The following PDE8B variants were observed in gnomAD, a reference collection of about 807,000 sequenced individuals.
PDE8B encodes the protein phosphodiesterase 8B, also known as high affinity cAMP-specific and IBMX-insensitive 3',5'-cyclic phosphodiesterase 8B.
PDE8B carries 26 observed loss-of-function variants against 101.3 expected under a neutral mutation model. The ratio of observed to expected loss-of-function variants is 0.26; its 90% CI spans 0.19 to 0.36. The LOEUF is 0.36. Ranked by LOEUF, PDE8B falls within the 10% of genes least tolerant of loss-of-function variation. PDE8B has a pLI of 1.00. For synonymous variants in PDE8B, 424 were observed against 429.3 expected (o/e 0.99, Z 0.15); for missense variants, 810 against 1,163.1 (o/e 0.70, Z 4.42).
At chr5:77,374,956 G>A (rs1170038718) in intron 10 of PDE8B, among the ~76,000 whole-genome samples, 1 of 151,842 alleles carries the variant, frequency 6.6e-6, no homozygotes, top group African/African-American at 2.4e-5. Context: ...GACAGAACCA[G>A]ATACACACAC....
intron 4 of PDE8B, among the ~76,000 whole-genome samples, chr5:77,330,855 C>T (rs548881254): frequency 6.6e-6 from 1 of 152,198 alleles, no homozygotes; most frequent in Non-Finnish European, 1.5e-5. Context: ...CTATAGCAAA[C>T]CCTCTTGTGA....
chr5:77,149,437 A>G, the PDE8B span, among the ~76,000 whole-genome samples: 1 of 152,180 alleles, frequency 6.6e-6, no homozygotes, highest in African/African-American at 2.4e-5. Flanking sequence ...TGTTGAACCT[A>G]TAGATCTATT....
intron 1 of PDE8B, among the ~76,000 whole-genome samples, chr5:77,261,498 T>C (rs1395879587): frequency 6.6e-6 from 1 of 152,260 alleles, no homozygotes; most frequent in African/African-American, 2.4e-5. Flanking sequence ...AATTATGCCA[T>C]TTTGTTTCTA....
intron 2 of PDE8B, among the ~76,000 whole-genome samples, chr5:77,312,288 G>C (rs1383062161): frequency 6.6e-6 from 1 of 151,956 alleles, no homozygotes; most frequent in Admixed American, 6.6e-5. Context: ...ATTTTTAATA[G>C]TGATGGGGTT....
chr5:77,217,784 G>T (rs1750127593), intron 1 of PDE8B, among the ~76,000 whole-genome samples: 1 of 152,140 alleles, frequency 6.6e-6, no homozygotes, highest in Non-Finnish European at 1.5e-5. Context: ...TTATCCACCT[G>T]CCTTGGCCCC....
In PDE8B at chr5:77,425,547, T is replaced by C. The variant is rs187914130; in HGVS notation, c.2419-220T>C. 4.2e-4 allele frequency among the ~76,000 whole-genome samples: 64 copies of C among 152,144 alleles called. No homozygotes were observed. In the East Asian group the frequency reaches 0.011, roughly 26 times the overall value. ...CAGCTTGGGCAACAGAGTGAGACAC[T>C]GTCTCAAAAACAAAAAAAGAGGCTT... On this transcript the variant is annotated intron_variant, in intron 20 of 21. Transcript: ENST00000264917.
Position 77,210,705 on chromosome 5 carries a change from GA to G in PDE8B, c.-220del. 1.0e-6 allele frequency: 1 copy of G among 980,994 alleles called. No homozygotes were observed. The highest frequency in any genetic ancestry group is 1.8e-5 in the African/African-American group (1 of 56,812). 60.8% of individuals were successfully genotyped at this position (980,994 alleles called of 1,614,324 possible). The stretch of plus-strand genomic sequence containing the variant: ...GTGTATGCGCGCTCCCCCGCTCGGG[GA>G]GGAAGATGGCCCAAAAGGGAAAGTT... On this transcript the variant is annotated 5_prime_UTR_variant, in exon 1 of 22. The change creates a premature stop within an existing upstream ORF in the 5' untranslated region. Coordinates refer to ENST00000264917, the MANE Select transcript of PDE8B (RefSeq NM_003719.5). The surrounding 1 kb of genome is among the most constrained non-coding windows in gnomAD (Gnocchi z 4.9).
chr5:77,184,530 A>G, the PDE8B span, among the ~76,000 whole-genome samples: 3 of 152,142 alleles, frequency 2.0e-5, no homozygotes, highest in African/African-American at 7.2e-5. Flanking sequence ...TTTTTTGCCT[A>G]CAAAAACAAC....
At chr5:77,097,373 G>A in the PDE8B span, among the ~76,000 whole-genome samples, 1 of 151,964 alleles carries the variant, frequency 6.6e-6, no homozygotes, top group Non-Finnish European at 1.5e-5. Flanking sequence ...AGCTGATCTA[G>A]GAAAAGTTGG....
chr5:77,097,685 T>TTTTATATATATATA, the PDE8B span, among the ~76,000 whole-genome samples: 1 of 18,116 alleles, frequency 5.5e-5, no homozygotes, highest in Admixed American at 7.2e-4. Flanking sequence ...TGTGGAGATT[T>TTTTATATATATATA]TATATATCTA....
intron 1 of PDE8B, among the ~76,000 whole-genome samples, chr5:77,263,923 G>T (rs1580666822): frequency 6.6e-6 from 1 of 152,254 alleles, no homozygotes; most frequent in East Asian, 1.9e-4. Flanking sequence ...TACATTAGCA[G>T]TCACTACCCA....
intron 16 of PDE8B, among the ~76,000 whole-genome samples, 159 bp from the exon 17 acceptor site, chr5:77,412,952 A>C (rs1389985292): frequency 6.6e-6 from 1 of 152,138 alleles, no homozygotes; most frequent in African/African-American, 2.4e-5. Context: ...TGAGAAGGAG[A>C]GATCCTACCT....
chr5:77,108,648 A>G, the PDE8B span, among the ~76,000 whole-genome samples: 2 of 152,246 alleles, frequency 1.3e-5, no homozygotes, highest in African/African-American at 4.8e-5. Flanking sequence ...GCGCCACTGC[A>G]TTTCAGCCTG....
At chr5:77,190,531 G>A in the PDE8B span, among the ~76,000 whole-genome samples, 1 of 152,340 alleles carries the variant, frequency 6.6e-6, no homozygotes, top group South Asian at 2.1e-4. Flanking sequence ...TTAGCGGCCA[G>A]TACTAAGTGA....
At chr5:77,296,557 A>T (rs574347093) in intron 1 of PDE8B, among the ~76,000 whole-genome samples, 61 of 152,314 alleles carry the variant, frequency 4.0e-4, no homozygotes, top group Non-Finnish European at 6.9e-4. Flanking sequence ...TTAGAACCAA[A>T]CAGAGATTTC....
chr5:77,418,114 TAA>T, intron 17 of PDE8B, 113 bp from the exon 18 acceptor site: 1 of 751,244 alleles, frequency 1.3e-6, no homozygotes, highest in African/African-American at 1.7e-5. Flanking sequence ...CTCAGCTGGC[TAA>T]AAACGTTCTG....
chr5:77,381,291 G>A (rs778462073), intron 10 of PDE8B, among the ~76,000 whole-genome samples: 4 of 152,208 alleles, frequency 2.6e-5, no homozygotes, highest in East Asian at 1.9e-4. Flanking sequence ...TGGTACCTGC[G>A]TTCTGGTAGT....
At chr5:77,173,064 A>G in the PDE8B span, among the ~76,000 whole-genome samples, 2 of 152,216 alleles carry the variant, frequency 1.3e-5, no homozygotes, top group South Asian at 2.1e-4. Context: ...CCATCAGCCA[A>G]TCAGTGAACA....
At chr5:77,146,335 C>T in the PDE8B span, 6,540 of 152,234 alleles carry the variant, frequency 0.043, 201 homozygotes, top group African/African-American at 0.078. Flanking sequence ...CCACAATCCC[C>T]ACCTCCTGGT....
Sources: allele counts gnomAD v4.1 joint callset (sites outside exome capture counted in the v4.1 genomes callset), GRCh38; gene constraint gnomAD v4.1.1; non-coding constraint Gnocchi (gnomAD v3.1); transcripts MANE v1.5; gene names NCBI Gene and HGNC (gene_info 2026-07-23, HGNC 2026-07-21).